Variants in MYO3B observed in about 807,000 individuals in gnomAD.
MYO3B encodes the protein myosin-IIIb.
A neutral mutation model predicts 174.6 loss-of-function variants in MYO3B; 156 were observed. That is an observed-to-expected ratio of 0.89 (90% CI 0.78 to 1.02). The LOEUF (loss-of-function observed/expected upper bound fraction) is 1.02, where lower values mean the gene tolerates loss of function less well. MYO3B is among the 50% of genes least tolerant of loss of function. The pLI, the probability that MYO3B is intolerant of heterozygous loss-of-function variation, is 0.00. For missense variants in MYO3B, 1,632 were observed against 1,639.4 expected (o/e 1.00, Z 0.08); for synonymous variants, 563 against 569.1 (o/e 0.99, Z 0.15).
chr2:170,437,608 A>G (rs73028031), intron 22 of MYO3B, among the ~76,000 whole-genome samples: 12 of 151,988 alleles, frequency 7.9e-5, no homozygotes, highest in Admixed American at 3.3e-4. Context: ...TTTCTTTACT[A>G]CTCTCCTTTT....
chr2:170,533,128 T>C (rs1689463534), intron 30 of MYO3B, among the ~76,000 whole-genome samples: 1 of 152,174 alleles, frequency 6.6e-6, no homozygotes, highest in South Asian at 2.1e-4. Flanking sequence ...TAAAAGTCTA[T>C]TCCACGTCAT....
intron 7 of MYO3B, among the ~76,000 whole-genome samples, chr2:170,247,092 C>G (rs1014867167): frequency 6.6e-6 from 1 of 152,200 alleles, no homozygotes; most frequent in African/African-American, 2.4e-5. Context: ...CCTTTTCTAT[C>G]CAGACTCTTC....
chr2:170,554,838 A>C (rs2106236216), intron 32 of MYO3B, among the ~76,000 whole-genome samples: 1 of 152,290 alleles, frequency 6.6e-6, no homozygotes, highest in East Asian at 1.9e-4. Context: ...GGCTTCCAAG[A>C]TTGGATGTTG....
intron 25 of MYO3B, among the ~76,000 whole-genome samples, chr2:170,476,772 C>T (rs1685343229): frequency 6.6e-6 from 1 of 151,984 alleles, no homozygotes; most frequent in African/African-American, 2.4e-5. Context: ...TTATTTAGGG[C>T]CATGGGTATT....
At chr2:170,380,712 C>A (rs949777304) in intron 9 of MYO3B, among the ~76,000 whole-genome samples, 4 of 152,104 alleles carry the variant, frequency 2.6e-5, no homozygotes, top group African/African-American at 4.8e-5. Flanking sequence ...GAACAGTGCC[C>A]TCCAGGAGAA....
intron 7 of MYO3B, among the ~76,000 whole-genome samples, chr2:170,276,018 T>C (rs924053784): frequency 6.6e-6 from 1 of 152,218 alleles, no homozygotes; most frequent in Non-Finnish European, 1.5e-5. Context: ...ATTGGAAGAA[T>C]ACTTCTGTAC....
intron 8 of MYO3B, among the ~76,000 whole-genome samples, chr2:170,356,440 G>C (rs1369905228): frequency 6.6e-6 from 1 of 152,046 alleles, no homozygotes; most frequent in Non-Finnish European, 1.5e-5. Context: ...TCGGCTCCCT[G>C]TAACCTCTGC....
chr2:170,249,111 C>T (rs1314894029), intron 7 of MYO3B, among the ~76,000 whole-genome samples: 1 of 152,180 alleles, frequency 6.6e-6, no homozygotes, highest in Non-Finnish European at 1.5e-5. Context: ...CCAAAGCCTC[C>T]AGTCCTGGGT....
intron 7 of MYO3B, among the ~76,000 whole-genome samples, chr2:170,291,106 A>G (rs1022314945): frequency 1.3e-5 from 2 of 152,008 alleles, no homozygotes; most frequent in African/African-American, 4.8e-5. Context: ...AAAATTAGCC[A>G]GGCATGGTGA....
chr2:170,381,519 T>C (rs1012380979), intron 9 of MYO3B, among the ~76,000 whole-genome samples: 1 of 152,070 alleles, frequency 6.6e-6, no homozygotes, highest in African/African-American at 2.4e-5. Context: ...TTCACATGAA[T>C]AAGAAAAAAC....
chr2:170,543,150 A>G (rs1274103970), intron 31 of MYO3B, among the ~76,000 whole-genome samples, 184 bp downstream of exon 31: 2 of 152,200 alleles, frequency 1.3e-5, no homozygotes, highest in Non-Finnish European at 2.9e-5. Context: ...CAGTAGAGAG[A>G]CAGGGAGGTA....
chr2:170,477,715 C>A (rs1685403616), intron 25 of MYO3B, among the ~76,000 whole-genome samples: 1 of 150,596 alleles, frequency 6.6e-6, no homozygotes, highest in Admixed American at 6.7e-5. Context: ...TAGATTCCAA[C>A]ACCTCCACCC....
chr2:170,287,856 A>C (rs745328133), intron 7 of MYO3B, among the ~76,000 whole-genome samples: 1 of 152,118 alleles, frequency 6.6e-6, no homozygotes, highest in East Asian at 1.9e-4. Context: ...TCATTGTTTC[A>C]AGTCTCAGAT....
At chr2:170,345,581 A>G (rs1200126514) in intron 8 of MYO3B, among the ~76,000 whole-genome samples, 1 of 152,084 alleles carries the variant, frequency 6.6e-6, no homozygotes, top group East Asian at 1.9e-4. Context: ...TTTTGCCTTT[A>G]AAAGAGGCCC....
intron 1 of MYO3B, among the ~76,000 whole-genome samples, chr2:170,190,683 A>G (rs1018019836): frequency 3.9e-5 from 6 of 152,052 alleles, no homozygotes; most frequent in African/African-American, 1.4e-4. Context: ...CAAGGCCCAA[A>G]TGCTCTTCAG....
intron 7 of MYO3B, among the ~76,000 whole-genome samples, chr2:170,285,349 A>G (rs1282293765): frequency 3.4e-5 from 5 of 148,932 alleles, no homozygotes; most frequent in Non-Finnish European, 3.0e-5. Flanking sequence ...ATGTGTTGCA[A>G]ATATCTTCTG....
chr2:170,281,084 C>T (rs2093505601), intron 7 of MYO3B, among the ~76,000 whole-genome samples: 2 of 152,016 alleles, frequency 1.3e-5, no homozygotes, highest in Non-Finnish European at 2.9e-5. Flanking sequence ...CCATTTTAAT[C>T]ATATTGATTC....
intron 8 of MYO3B, among the ~76,000 whole-genome samples, chr2:170,368,844 G>T (rs748055671): frequency 1.3e-5 from 2 of 152,006 alleles, no homozygotes; most frequent in Admixed American, 6.6e-5. Flanking sequence ...TTAATTCTAC[G>T]TATTTCTAAA....
chr2:170,509,173 A>G (rs1289521043), intron 28 of MYO3B, among the ~76,000 whole-genome samples: 1 of 152,204 alleles, frequency 6.6e-6, no homozygotes, highest in Non-Finnish European at 1.5e-5. Context: ...CCTGGCCAAC[A>G]TGGCAAAATC....
Sources: gnomAD v4.1 joint callset for allele counts (sites outside exome capture counted in the v4.1 genomes callset) on GRCh38, gnomAD v4.1.1 for gene constraint, MANE v1.5 for transcripts, NCBI Gene and HGNC (gene_info 2026-07-23, HGNC 2026-07-21) for gene names.